The following ETFDH variants were observed in gnomAD, a reference collection of about 807,000 sequenced individuals.
The protein encoded by ETFDH is electron transfer flavoprotein dehydrogenase.
In ETFDH, 61 loss-of-function variants were observed where a neutral mutation model predicts 73.2. The observed-to-expected ratio is 0.83, with a 90% CI of 0.68 to 1.03. The LOEUF (loss-of-function observed/expected upper bound fraction) is 1.03. Among genes scored for constraint, ETFDH ranks in the 50% least tolerant of loss-of-function variants. ETFDH has a pLI of 0.00. For missense variants in ETFDH, 685 were observed against 745.0 expected, an observed-to-expected ratio of 0.92 and a Z score of 0.94; for synonymous variants, 243 against 253.3, an observed-to-expected ratio of 0.96 and a Z score of 0.39.
intron 6 of ETFDH, among the ~76,000 whole-genome samples, chr4:158,692,884 A>ATATAT (rs1426342372): frequency 2.2e-5 from 2 of 92,682 alleles, no homozygotes; most frequent in African/African-American, 6.4e-5. Context: ...ATTAAAAAAA[A>ATATAT]AAAAACATAT....
In ETFDH at chr4:158,708,949, A is replaced by C; in HGVS notation, c.*422A>C. 1 of 200,318 alleles carries C rather than the reference A, an allele frequency of 5.0e-6. No homozygotes were observed. Among genetic ancestry groups the C allele is most frequent in the Non-Finnish European group, 1.0e-5 (1 of 97,898 alleles). 12.4% of individuals were successfully genotyped at this position (200,318 alleles called of 1,614,324 possible). A position where few individuals can be genotyped will look rare whatever the true frequency, so the allele number is the denominator to read the frequency against. On this transcript the variant is annotated 3_prime_UTR_variant, in exon 13 of 13. Transcript: ENST00000511912. Reference sequence around the variant, plus strand: ...TGCAGGTGAGTGGGTGTGACATTACATGGTCTACAAAGCCTAAAAACTTTA... The same window carrying C: ...TGCAGGTGAGTGGGTGTGACATTACCTGGTCTACAAAGCCTAAAAACTTTA...
At position 158,690,396 on chromosome 4, in the gene ETFDH, G is replaced by A. The variant is rs1286185214; in HGVS notation, c.655G>A (p.Val219Ile). ...GSVKGIATND[V>I]GIQKDGAPKA... The stretch of plus-strand genomic sequence containing the variant: ...TGTAAAAGGAATTGCCACTAACGAT[G>A]TAGGGATACAAAAGGATGGTGCACC... The change falls in exon 6 of 13, where the codon GTA (valine) becomes ATA (isoleucine). Residue 219 changes from valine to isoleucine, a missense_variant. Coordinates refer to ENST00000511912, the MANE Select transcript of ETFDH (RefSeq NM_004453.4). The A allele has an allele frequency of 1.9e-6, 3 of 1,601,996 alleles. No individual in the cohort carries two copies. The highest frequency in any genetic ancestry group is 1.7e-5 in the Admixed American group (1 of 59,990).
At chr4:158,688,390 CAAAAA>C (rs34614893) in intron 5 of ETFDH, among the ~76,000 whole-genome samples, 1 of 100,118 alleles carries the variant, frequency 1.0e-5, no homozygotes, top group Non-Finnish European at 2.0e-5. Flanking sequence ...GACTCTGTCT[CAAAAA>C]AAAAAAAAAA....
intron 3 of ETFDH, among the ~76,000 whole-genome samples, chr4:158,682,921 T>C (rs1773902432): frequency 6.6e-6 from 1 of 152,190 alleles, no homozygotes. Flanking sequence ...TAACAAATAT[T>C]TTTGTGTAAT....
At chr4:158,698,016 A>G (rs1324903413) in intron 8 of ETFDH, among the ~76,000 whole-genome samples, 1 of 152,214 alleles carries the variant, frequency 6.6e-6, no homozygotes, top group East Asian at 1.9e-4. Context: ...AATAAGTTAA[A>G]CAACTTACCC....
At chr4:158,684,180 A>C (rs1192138907) in intron 3 of ETFDH, among the ~76,000 whole-genome samples, 1 of 152,188 alleles carries the variant, frequency 6.6e-6, no homozygotes, top group East Asian at 1.9e-4. Flanking sequence ...ACTTGAGGTC[A>C]GGAGTTCGAG....
At chr4:158,684,992 G>A (rs1773964438) in intron 4 of ETFDH, 109 bp from the exon 5 acceptor site, 3 of 720,906 alleles carry the variant, frequency 4.2e-6, no homozygotes, top group Non-Finnish European at 7.3e-6. Context: ...GACCATCAAT[G>A]TAGCACTTAT....
rs761505388 is a variant in ETFDH at position 158,708,407 on chromosome 4, G to A, written c.1734G>A (p.Arg578=). The change falls in exon 13 of 13, where the codon CGG becomes CGA. Residue 578 remains arginine (R), a synonymous_variant. Transcript: ENST00000511912. ...FVPVEQGDGF[R]LQINAQNCVH... ...CTGTGGAACAAGGTGATGGATTTCG[G>A]TTACAGATAAATGCTCAGAACTGTG... is the stretch of plus-strand genomic sequence containing the variant. The A allele has an allele frequency of 1.2e-6, 2 of 1,612,166 alleles. No individual in the cohort carries two copies. The highest frequency in any genetic ancestry group is 1.7e-6 in the Non-Finnish European group (2 of 1,178,288).
chr4:158,693,298 C>CGTAA (rs1774225672), intron 6 of ETFDH, among the ~76,000 whole-genome samples: 1 of 152,144 alleles, frequency 6.6e-6, no homozygotes, highest in African/African-American at 2.4e-5. Context: ...ACTTGGCTCT[C>CGTAA]TTACAGCCTT....
At chr4:158,701,626 A>G (rs1234360445) in intron 9 of ETFDH, among the ~76,000 whole-genome samples, 1 of 152,162 alleles carries the variant, frequency 6.6e-6, no homozygotes, top group Non-Finnish European at 1.5e-5. Context: ...TCTCTTTTGC[A>G]GTTGGTGTCA....
At chr4:158,695,344 A>T (rs1774281113) in intron 6 of ETFDH, among the ~76,000 whole-genome samples, 153 bp from the exon 7 acceptor site, 2 of 152,218 alleles carry the variant, frequency 1.3e-5, no homozygotes, top group Admixed American at 6.5e-5. Flanking sequence ...ATATGATTCT[A>T]TATATTATAT....
intron 5 of ETFDH, among the ~76,000 whole-genome samples, chr4:158,685,580 TCCTC>T (rs1337845705): frequency 2.0e-5 from 3 of 152,202 alleles, no homozygotes; most frequent in African/African-American, 4.8e-5. Context: ...TGCTCTCTCT[TCCTC>T]CCTATCTTTA....
At position 158,709,336 on chromosome 4, in the gene ETFDH, G is replaced by A. The variant is rs944171717; in HGVS notation, c.*809G>A. 1 of 158,102 alleles carries A rather than the reference G, an allele frequency of 6.3e-6. No individual in the cohort carries two copies. Among genetic ancestry groups the A allele is most frequent in the South Asian group, 1.9e-4 (1 of 5,352 alleles). 9.8% of individuals were successfully genotyped at this position (158,102 alleles called of 1,614,324 possible). A position where few individuals can be genotyped will look rare whatever the true frequency, so the allele number is the denominator to read the frequency against. ...AAGGTCAGGAGTTCAAGACCAACGT[G>A]ACGTGACCAATATGGTGAAACCCCA... On this transcript the variant is annotated 3_prime_UTR_variant, in exon 13 of 13. Transcript: ENST00000511912.
chr4:158,697,101 T>A (rs764646359), intron 7 of ETFDH, among the ~76,000 whole-genome samples: 31 of 152,072 alleles, frequency 2.0e-4, no homozygotes, highest in African/African-American at 6.5e-4. Context: ...ATTATTTTTT[T>A]ATTTTTTTTT....
intron 12 of ETFDH, among the ~76,000 whole-genome samples, chr4:158,707,566 G>A (rs187983061): frequency 7.2e-4 from 110 of 152,290 alleles, no homozygotes; most frequent in Middle Eastern, 3.4e-3. Context: ...TACCATTCGG[G>A]CTTGCCCCAC....
intron 12 of ETFDH, among the ~76,000 whole-genome samples, 154 bp from the exon 13 acceptor site, chr4:158,708,210 T>C (rs941959807): frequency 6.6e-6 from 1 of 152,216 alleles, no homozygotes; most frequent in African/African-American, 2.4e-5. Flanking sequence ...CTCACATCAA[T>C]AGCAATGCAC....
Position 158,709,019 on chromosome 4 carries a change from T to TGTGTG in ETFDH, c.*492_*493insGTGTG. On this transcript the variant is annotated 3_prime_UTR_variant, in exon 13 of 13. Transcript: ENST00000511912. ...GAAGTATGCCCATCCCTGAACAAGTTTGTGTGTGTGTGTGTGTGTGTGTGT... is the reference window on the plus strand; with the variant it reads ...GAAGTATGCCCATCCCTGAACAAGTTGTGTGTGTGTGTGTGTGTGTGTGTGTGTGT... 1.3e-5 allele frequency: 2 copies of TGTGTG among 149,276 alleles called. No individual in the cohort carries two copies. The highest frequency in any genetic ancestry group is 4.0e-4 in the South Asian group (2 of 4,994). The allele number at this position is 149,276 out of a possible 1,614,324, so 9.2% of individuals were successfully genotyped here. A position where few individuals can be genotyped will look rare whatever the true frequency, so the allele number is the denominator to read the frequency against.
chr4:158,676,276 A>G (rs76829231), intron 1 of ETFDH, among the ~76,000 whole-genome samples: 1,772 of 152,090 alleles, frequency 0.012, 27 homozygotes, highest in African/African-American at 0.038. Context: ...AGTCAGTTCC[A>G]GGGTGGGAGC....
intron 7 of ETFDH, among the ~76,000 whole-genome samples, chr4:158,696,674 T>C (rs977846729): frequency 7.2e-5 from 11 of 152,306 alleles, no homozygotes; most frequent in African/African-American, 2.6e-4. Context: ...TTAGATAAAA[T>C]TTCAGATAGA....
Sources: gnomAD v4.1 joint callset for allele counts (sites outside exome capture counted in the v4.1 genomes callset) on GRCh38, gnomAD v4.1.1 for gene constraint, MANE v1.5 for transcripts, NCBI Gene and HGNC (gene_info 2026-07-23, HGNC 2026-07-21) for gene names.